Variants in PPP2R5E observed in about 807,000 individuals in gnomAD.
The protein encoded by PPP2R5E is protein phosphatase 2 regulatory subunit B'epsilon, also known as serine/threonine-protein phosphatase 2A 56 kDa regulatory subunit epsilon isoform.
In PPP2R5E, 4 loss-of-function variants were observed where a neutral mutation model predicts 65.3. That is an observed-to-expected ratio of 0.06 (90% confidence interval 0.03 to 0.14). PPP2R5E has a LOEUF of 0.14. Ranked by LOEUF, PPP2R5E falls within the 10% of genes least tolerant of loss-of-function variation. The pLI is 1.00. For missense variants in PPP2R5E, 274 were observed against 556.1 expected, an observed-to-expected ratio of 0.49 and a Z score of 5.10; for synonymous variants, 183 against 187.4, an observed-to-expected ratio of 0.98 and a Z score of 0.19.
chr14:63,491,607 G>A (rs11850808), intron 2 of PPP2R5E, among the ~76,000 whole-genome samples: 22,171 of 152,066 alleles, frequency 0.15, 1,741 homozygotes, highest in East Asian at 0.21. Context: ...CAACACTTTG[G>A]GAGGCCAAGG....
At chr14:63,438,480 A>C (rs1888047912) in intron 3 of PPP2R5E, among the ~76,000 whole-genome samples, 1 of 152,222 alleles carries the variant, frequency 6.6e-6, no homozygotes, top group Non-Finnish European at 1.5e-5. Flanking sequence ...GGTTAAATTA[A>C]AAGGTGGGAG....
At chr14:63,519,111 G>A (rs907698868) in intron 2 of PPP2R5E, among the ~76,000 whole-genome samples, 3 of 152,140 alleles carry the variant, frequency 2.0e-5, no homozygotes, top group Admixed American at 6.5e-5. Context: ...CTACTTGGGA[G>A]GGTGGGGCAG....
chr14:63,396,743 T>C (rs1163510287), intron 5 of PPP2R5E, 27 bp from the exon 6 acceptor site: 1 of 1,600,616 alleles, frequency 6.2e-7, no homozygotes, highest in South Asian at 1.1e-5. Context: ...ACATTATAGC[T>C]GTCAAAGGCG....
At chr14:63,404,911 G>A (rs1274098240) in intron 5 of PPP2R5E, among the ~76,000 whole-genome samples, 2 of 152,218 alleles carry the variant, frequency 1.3e-5, no homozygotes, top group African/African-American at 4.8e-5. Flanking sequence ...GAAGCAGGCA[G>A]GGACTAGCTA....
intron 2 of PPP2R5E, among the ~76,000 whole-genome samples, chr14:63,533,910 G>A (rs1317101901): frequency 6.6e-6 from 1 of 151,404 alleles, no homozygotes; most frequent in African/African-American, 2.4e-5. Context: ...TTGCGCCACT[G>A]CACTCCAGCC....
intron 3 of PPP2R5E, among the ~76,000 whole-genome samples, chr14:63,429,684 T>G (rs540025458): frequency 5.3e-4 from 80 of 151,526 alleles, no homozygotes; most frequent in Admixed American, 2.1e-3. Context: ...TGTTTTTTGT[T>G]TTTTGTTTTT....
At chr14:63,536,964 ATGTCAAGGCACTTAATGCACATT>A (rs1893690948) in intron 2 of PPP2R5E, among the ~76,000 whole-genome samples, 1 of 152,334 alleles carries the variant, frequency 6.6e-6, no homozygotes, top group East Asian at 1.9e-4. Flanking sequence ...TTGCATGACA[ATGTCAAGGCACTTAATGCACATT>A]TAAACATGGT....
intron 2 of PPP2R5E, among the ~76,000 whole-genome samples, chr14:63,526,674 G>A (rs1893196951): frequency 6.6e-6 from 1 of 152,042 alleles, no homozygotes; most frequent in Non-Finnish European, 1.5e-5. Flanking sequence ...CTCTCACCTT[G>A]GCCTGCAGAG....
chr14:63,418,737 T>C (rs1050400868), intron 4 of PPP2R5E, among the ~76,000 whole-genome samples: 1 of 152,030 alleles, frequency 6.6e-6, no homozygotes, highest in African/African-American at 2.4e-5. Flanking sequence ...TTGAATAACA[T>C]ACAGAGTAGA....
intron 5 of PPP2R5E, among the ~76,000 whole-genome samples, chr14:63,413,037 G>T (rs1379496884): frequency 6.6e-6 from 1 of 152,144 alleles, no homozygotes; most frequent in Admixed American, 6.5e-5. Flanking sequence ...AACAAAAATG[G>T]AACAAGCTAC....
At chr14:63,522,086 G>T (rs1051414628) in intron 2 of PPP2R5E, among the ~76,000 whole-genome samples, 2 of 150,178 alleles carry the variant, frequency 1.3e-5, no homozygotes, top group African/African-American at 4.9e-5. Context: ...TGCGATTGCA[G>T]GCACGCGCCG....
intron 2 of PPP2R5E, among the ~76,000 whole-genome samples, chr14:63,501,629 T>C (rs1891894193): frequency 6.6e-6 from 1 of 152,120 alleles, no homozygotes. Context: ...GTTCTAAAAA[T>C]AGATTGTGGT....
chr14:63,426,457 T>C (rs1887338671), intron 3 of PPP2R5E, among the ~76,000 whole-genome samples: 1 of 150,534 alleles, frequency 6.6e-6, no homozygotes, highest in African/African-American at 2.4e-5. Context: ...GGAAAGGCAA[T>C]TGAAAATTGT....
At chr14:63,479,168 A>G (rs1452199013) in intron 2 of PPP2R5E, 1 of 152,124 alleles carries the variant, frequency 6.6e-6, no homozygotes, top group Non-Finnish European at 1.5e-5. Context: ...AACAATACCT[A>G]TCTCCAGTCT....
In PPP2R5E at chr14:63,412,150, G is replaced by A. The variant is rs531033957; in HGVS notation, c.549+2990C>T. Among the ~76,000 whole-genome samples, 71 of 152,294 alleles carry A rather than the reference G, an allele frequency of 4.7e-4. No individual in the cohort carries two copies. In the South Asian group the frequency reaches 0.015, roughly 31 times the overall value. ...CCAAGTACTACACTTAGATAAAAAA[G>A]CCAACTGTGTAACAACCAACAATAA... On this transcript the variant is annotated intron_variant, in intron 5 of 13. Transcript: ENST00000337537.
intron 3 of PPP2R5E, among the ~76,000 whole-genome samples, chr14:63,435,257 G>A (rs1251038727): frequency 6.6e-6 from 1 of 151,166 alleles, no homozygotes; most frequent in Non-Finnish European, 1.5e-5. Flanking sequence ...ATTTTTTAAA[G>A]GGAAAAAAGT....
At chr14:63,423,000 T>G (rs968484105) in intron 3 of PPP2R5E, among the ~76,000 whole-genome samples, 6 of 152,238 alleles carry the variant, frequency 3.9e-5, no homozygotes, top group African/African-American at 1.4e-4. Flanking sequence ...ACAATGGTTG[T>G]TCAAAACATG....
intron 2 of PPP2R5E, among the ~76,000 whole-genome samples, chr14:63,482,720 G>A (rs1429747076): frequency 6.6e-6 from 1 of 152,132 alleles, no homozygotes; most frequent in Non-Finnish European, 1.5e-5. Context: ...CTTAAAAAGT[G>A]TTTAATTATA....
intron 2 of PPP2R5E, among the ~76,000 whole-genome samples, chr14:63,458,910 T>C (rs1000515897): frequency 2.6e-4 from 39 of 152,312 alleles, no homozygotes; most frequent in African/African-American, 9.4e-4. Flanking sequence ...TTAGCCCTTT[T>C]ACTTCTATTT....
Sources: allele counts gnomAD v4.1 joint callset (sites outside exome capture counted in the v4.1 genomes callset), GRCh38; gene constraint gnomAD v4.1.1; transcripts MANE v1.5; gene names NCBI Gene and HGNC (gene_info 2026-07-23, HGNC 2026-07-21).